Variants in HAS2 observed in about 807,000 individuals in gnomAD.
HAS2 encodes the protein HA synthase 2.
HAS2 carries 16 observed loss-of-function variants against 51.6 expected under a neutral mutation model. That is an observed-to-expected ratio of 0.31 (90% CI 0.21 to 0.47). HAS2 has a LOEUF of 0.47. Ranked by LOEUF, HAS2 falls within the 20% of genes least tolerant of loss-of-function variation. The probability of loss-of-function intolerance (pLI) is 1.00; values close to 1 mark genes in which losing one functional copy is unlikely to be tolerated. For synonymous variants in HAS2, 228 were observed against 235.5 expected (o/e 0.97, Z 0.29); for missense variants, 361 against 662.6 (o/e 0.54, Z 5.00).
intron 2 of HAS2, among the ~76,000 whole-genome samples, chr8:121,623,447 A>G (rs1162271731): frequency 6.6e-6 from 1 of 152,182 alleles, no homozygotes; most frequent in Non-Finnish European, 1.5e-5. Context: ...GGAAGCTCAT[A>G]ATGGTGCCCT....
intron 2 of HAS2, 146 bp downstream of exon 2, chr8:121,628,568 T>C: frequency 1.4e-6 from 1 of 715,090 alleles, no homozygotes; most frequent in Non-Finnish European, 2.3e-6. Flanking sequence ...CAAAATGTGC[T>C]TTCAACAGTC....
At chr8:121,617,243 G>T (rs1463106401) in intron 2 of HAS2, 37 bp from the exon 3 acceptor site, 1 of 1,264,202 alleles carries the variant, frequency 7.9e-7, no homozygotes, top group Non-Finnish European at 1.2e-6. Flanking sequence ...TTAAAGAAAA[G>T]GAAGAACTAT....
intron 2 of HAS2, among the ~76,000 whole-genome samples, chr8:121,621,199 T>C (rs1563620997): frequency 6.6e-6 from 1 of 152,208 alleles, no homozygotes; most frequent in Non-Finnish European, 1.5e-5. Flanking sequence ...TGAGATTAAA[T>C]ATGTTTGAAG....
Position 121,634,096 on chromosome 8 carries a change from T to C in HAS2, c.1-4756A>G, listed in dbSNP as rs182422930. On this transcript the variant is annotated intron_variant, in intron 1 of 3. Coordinates refer to ENST00000303924, the MANE Select transcript of HAS2 (RefSeq NM_005328.3). ...TGGCTAATTTTGTATTTTTATGAGA[T>C]GCGGGGTTTCTCCATGTTGGTCAGG... Among the ~76,000 whole-genome samples, 251 of 152,064 alleles carry C rather than the reference T, an allele frequency of 1.7e-3. 1 individual carries two copies. The highest frequency in any genetic ancestry group is 5.2e-3 in the African/African-American group (217 of 41,504).
intron 2 of HAS2, among the ~76,000 whole-genome samples, chr8:121,623,714 G>C (rs1469618759): frequency 6.6e-6 from 1 of 152,122 alleles, no homozygotes; most frequent in Non-Finnish European, 1.5e-5. Flanking sequence ...GATTCATTAA[G>C]GCCAGGACCA....
rs1813095297 is a variant in HAS2, at chr8:121,641,162, T to TTC, written c.-311_-310insGA. On this transcript the variant is annotated 5_prime_UTR_variant, in exon 1 of 4. Transcript: ENST00000303924. ...TTTTCTTTTTTCTTTTCTTTTCTTT[T>TTC]TTTTTTTTTTTTTTTTTTGGGCTTC... The TTC allele has an allele frequency of 1.7e-5, 1 of 57,276 alleles. No individual in the cohort carries two copies. Among genetic ancestry groups the TTC allele is most frequent in the Non-Finnish European group, 2.9e-5 (1 of 34,622 alleles). 3.5% of individuals were successfully genotyped at this position (57,276 alleles called of 1,614,324 possible). A position where few individuals can be genotyped will look rare whatever the true frequency, so the allele number is the denominator to read the frequency against.
At chr8:121,638,983 G>T (rs1813049428) in intron 1 of HAS2, among the ~76,000 whole-genome samples, 3 of 152,146 alleles carry the variant, frequency 2.0e-5, no homozygotes, top group Admixed American at 2.0e-4. Flanking sequence ...AATATGTGTT[G>T]ACCTTTTTAA....
intron 3 of HAS2, among the ~76,000 whole-genome samples, chr8:121,616,168 T>C (rs1035143598): frequency 1.3e-5 from 2 of 152,186 alleles, no homozygotes; most frequent in African/African-American, 4.8e-5. Flanking sequence ...TATACATTTT[T>C]CCATCCCACA....
At chr8:121,625,097 CAAAAAA>C (rs537345385) in intron 2 of HAS2, among the ~76,000 whole-genome samples, 1 of 57,954 alleles carries the variant, frequency 1.7e-5, no homozygotes, top group Non-Finnish European at 3.4e-5. Context: ...GACTCCGTCT[CAAAAAA>C]AAAAAAAAAA....
Position 121,614,127 on chromosome 8 carries a change from G to A in HAS2, c.1641C>T (p.Asp547=). The change falls in exon 4 of 4, where the codon GAC becomes GAT. Residue 547 remains aspartate (D), a synonymous_variant. Coordinates refer to ENST00000303924, the MANE Select transcript of HAS2 (RefSeq NM_005328.3). The surrounding 1 kb of genome is among the most constrained non-coding windows in gnomAD (Gnocchi z 7.2). The stretch of plus-strand genomic sequence containing the variant: ...TGGAAGATCATACATCAAGCACCAT[G>A]TCATATTGTTGTCCCTTCTTCCGCC... ...CGRRKKGQQY[D]MVLDV 1.2e-6 allele frequency: 2 copies of A among 1,613,866 alleles called. No homozygotes were observed. Among genetic ancestry groups the A allele is most frequent in the Non-Finnish European group, 1.7e-6 (2 of 1,179,768 alleles).
At position 121,641,223 on chromosome 8, in the gene HAS2, T is replaced by G. The variant is rs1813099785; in HGVS notation, c.-371A>C. On this transcript the variant is annotated 5_prime_UTR_variant, in exon 1 of 4. Coordinates refer to ENST00000303924, the MANE Select transcript of HAS2 (RefSeq NM_005328.3). Reference sequence around the variant, plus strand: ...CCCCCGATAACAGAAAATCTCTTTTTCGTCTTAAAAAAAAAAAAAAAAAAA... The same window carrying G: ...CCCCCGATAACAGAAAATCTCTTTTGCGTCTTAAAAAAAAAAAAAAAAAAA... The G allele has an allele frequency of 1.3e-5, 1 of 74,846 alleles. No individual in the cohort carries two copies. Among genetic ancestry groups the G allele is most frequent in the East Asian group, 3.5e-4 (1 of 2,894 alleles). The allele number at this position is 74,846 out of a possible 1,614,324, so 4.6% of individuals were successfully genotyped here.
Position 121,612,614 on chromosome 8 carries a change from TA to T in HAS2, c.*1494del, listed in dbSNP as rs760735544. On this transcript the variant is annotated 3_prime_UTR_variant, in exon 4 of 4. Transcript: ENST00000303924. Reference sequence around the variant, plus strand: ...CAGCTACAAGGCAAGGTCAATCGTGTAAAAAATAAAACTGGATAATGGAGGC... The same window carrying T: ...CAGCTACAAGGCAAGGTCAATCGTGTAAAAATAAAACTGGATAATGGAGGC... The T allele has an allele frequency of 6.6e-6, 1 of 152,144 alleles. No homozygotes were observed. Among genetic ancestry groups the T allele is most frequent in the South Asian group, 2.1e-4 (1 of 4,828 alleles). The allele number at this position is 152,144 out of a possible 1,614,324, so 9.4% of individuals were successfully genotyped here. A position where few individuals can be genotyped will look rare whatever the true frequency, so the allele number is the denominator to read the frequency against.
At position 121,631,181 on chromosome 8, in the gene HAS2, G is replaced by A. The variant is rs112765175; in HGVS notation, c.1-1841C>T. Among the ~76,000 whole-genome samples the A allele has an allele frequency of 9.0e-3, 1,370 of 152,240 alleles. 19 individuals are homozygous for A. Among genetic ancestry groups the A allele is most frequent in the African/African-American group, 0.031 (1,272 of 41,552 alleles). The stretch of plus-strand genomic sequence containing the variant: ...TTGGTCCTTGGATTGCCATATGAAA[G>A]GGAGCCACCCACCAAACAGGAATAC... On this transcript the variant is annotated intron_variant, in intron 1 of 3. Coordinates refer to ENST00000303924, the MANE Select transcript of HAS2 (RefSeq NM_005328.3).
At chr8:121,628,041 C>A (rs1246513013) in intron 2 of HAS2, among the ~76,000 whole-genome samples, 1 of 152,098 alleles carries the variant, frequency 6.6e-6, no homozygotes, top group East Asian at 1.9e-4. Context: ...GGAGACACAG[C>A]CTGTCTAATT....
intron 1 of HAS2, among the ~76,000 whole-genome samples, chr8:121,633,912 G>GTTT (rs540276424): frequency 1.5e-5 from 2 of 135,220 alleles, no homozygotes; most frequent in African/African-American, 3.1e-5. Flanking sequence ...GTTTTTTTGG[G>GTTT]TTTTTTTTTT....
chr8:121,631,462 G>A (rs1467007822), intron 1 of HAS2, among the ~76,000 whole-genome samples: 1 of 152,160 alleles, frequency 6.6e-6, no homozygotes. Context: ...AACCAGAAAT[G>A]CATTGCAGCT....
At chr8:121,635,159 A>G (rs1236042287) in intron 1 of HAS2, among the ~76,000 whole-genome samples, 5 of 152,082 alleles carry the variant, frequency 3.3e-5, no homozygotes, top group African/African-American at 1.2e-4. Flanking sequence ...TCTGCCATCT[A>G]CTACCAATTT....
chr8:121,636,417 T>C (rs1813010160), intron 1 of HAS2, among the ~76,000 whole-genome samples: 1 of 152,120 alleles, frequency 6.6e-6, no homozygotes, highest in Admixed American at 6.5e-5. Flanking sequence ...TGACCTTCTC[T>C]TCCTCTCTGG....
intron 2 of HAS2, among the ~76,000 whole-genome samples, chr8:121,625,204 C>G (rs986956671): frequency 5.0e-5 from 7 of 141,202 alleles, no homozygotes; most frequent in African/African-American, 1.8e-4. Flanking sequence ...GTTCTAAAAA[C>G]AAGGGAAAAA....
Sources: allele counts gnomAD v4.1 joint callset (sites outside exome capture counted in the v4.1 genomes callset), GRCh38; gene constraint gnomAD v4.1.1; non-coding constraint Gnocchi (gnomAD v3.1); transcripts MANE v1.5; gene names NCBI Gene and HGNC (gene_info 2026-07-23, HGNC 2026-07-21).